Variants in TRIO observed in about 807,000 individuals in gnomAD.
TRIO encodes the protein triple functional domain protein.
A neutral mutation model predicts 351.9 loss-of-function variants in TRIO; 58 were observed. The ratio of observed to expected loss-of-function variants is 0.16; its 90% CI spans 0.13 to 0.21. The LOEUF (loss-of-function observed/expected upper bound fraction) is 0.21, where lower values mean the gene tolerates loss of function less well. Ranked by LOEUF, TRIO falls within the 10% of genes least tolerant of loss-of-function variation. TRIO has a pLI of 1.00. For synonymous variants in TRIO, 1,758 were observed against 1,595.7 expected (o/e 1.10, Z -2.42); for missense variants, 3,201 against 4,027.8 (o/e 0.79, Z 5.56).
In TRIO at chr5:14,508,559, T is replaced by A; in HGVS notation, c.*137T>A. 1 of 1,110,252 alleles carries A rather than the reference T, an allele frequency of 9.0e-7. No homozygotes were observed. The highest frequency in any genetic ancestry group is 1.3e-6 in the Non-Finnish European group (1 of 787,200). 68.8% of individuals were successfully genotyped at this position (1,110,252 alleles called of 1,614,324 possible). ...GTGAAATTGCATTCCAAGTGAGCTG[T>A]GCTCAGCAGTGCTTGGACACAGAGC... is the stretch of plus-strand genomic sequence containing the variant. On this transcript the variant is annotated 3_prime_UTR_variant, in exon 57 of 57. Coordinates refer to ENST00000344204, the MANE Select transcript of TRIO (RefSeq NM_007118.4).
intron 1 of TRIO, among the ~76,000 whole-genome samples, chr5:14,217,580 A>T (rs1792303563): frequency 6.6e-6 from 1 of 152,222 alleles, no homozygotes; most frequent in South Asian, 2.1e-4. Context: ...TATTAAAATT[A>T]GATTTCTGAT....
At chr5:14,211,809 A>G (rs1791919196) in intron 1 of TRIO, among the ~76,000 whole-genome samples, 1 of 152,052 alleles carries the variant, frequency 6.6e-6, no homozygotes, top group Admixed American at 6.5e-5. Flanking sequence ...GAAATATAGT[A>G]GATTAAAGTA....
intron 1 of TRIO, among the ~76,000 whole-genome samples, chr5:14,162,080 T>A (rs553049399): frequency 6.6e-6 from 1 of 152,042 alleles, no homozygotes; most frequent in Non-Finnish European, 1.5e-5. Flanking sequence ...CAAGGCACAG[T>A]ATTAGTTGTG....
At chr5:14,337,856 C>G (rs970530997) in intron 11 of TRIO, among the ~76,000 whole-genome samples, 2 of 152,098 alleles carry the variant, frequency 1.3e-5, no homozygotes, top group African/African-American at 4.8e-5. Flanking sequence ...GGGGTTTGCA[C>G]TCAGTCCTGC....
chr5:14,400,367 A>G (rs1464129996), intron 30 of TRIO, among the ~76,000 whole-genome samples: 1 of 152,090 alleles, frequency 6.6e-6, no homozygotes, highest in South Asian at 2.1e-4. Context: ...GGGGTGGAGA[A>G]TGCATCAGGG....
At position 14,487,455 on chromosome 5, in the gene TRIO, G is replaced by T; in HGVS notation, c.6836-9G>T. On this transcript the variant is annotated splice_polypyrimidine_tract_variant and intron_variant, in intron 47 of 56. Transcript: ENST00000344204. ...CTGACCCAGTCTCTCCCGCTGTCTT[G>T]TCTTACAGCCTTGACATCGCCAATC... 9.1e-7 allele frequency: 1 copy of T among 1,094,826 alleles called. No individual in the cohort carries two copies. The highest frequency in any genetic ancestry group is 1.1e-6 in the Non-Finnish European group (1 of 882,710). The allele number at this position is 1,094,826 out of a possible 1,614,324, so 67.8% of individuals were successfully genotyped here.
chr5:14,495,658 GAAAA>G (rs56018324), intron 49 of TRIO, among the ~76,000 whole-genome samples: 5 of 32,584 alleles, frequency 1.5e-4, no homozygotes, highest in East Asian at 1.4e-3. Context: ...GTCTCTACTA[GAAAA>G]AAAAAAAAAA....
At chr5:14,232,704 A>G (rs998777657) in intron 1 of TRIO, among the ~76,000 whole-genome samples, 2 of 152,242 alleles carry the variant, frequency 1.3e-5, no homozygotes, top group Non-Finnish European at 2.9e-5. Flanking sequence ...GCTATGGATG[A>G]CAAACTTAAA....
intron 1 of TRIO, among the ~76,000 whole-genome samples, chr5:14,184,756 G>T (rs989294369): frequency 6.6e-6 from 1 of 152,168 alleles, no homozygotes; most frequent in Non-Finnish European, 1.5e-5. Flanking sequence ...AAAAAATGAA[G>T]TTAGGTTAGT....
chr5:14,313,086 A>G (rs965054205), intron 8 of TRIO, among the ~76,000 whole-genome samples: 12 of 152,218 alleles, frequency 7.9e-5, no homozygotes, highest in South Asian at 2.1e-4. Context: ...GTTTTTGAAC[A>G]TGGATTTGGA....
chr5:14,160,715 C>T (rs191379661), intron 1 of TRIO, among the ~76,000 whole-genome samples: 6 of 152,326 alleles, frequency 3.9e-5, no homozygotes, highest in Admixed American at 3.9e-4. Context: ...CATGTGTTAG[C>T]TCCCATTTAT....
chr5:14,209,449 T>C (rs1791748652), intron 1 of TRIO, among the ~76,000 whole-genome samples: 1 of 152,240 alleles, frequency 6.6e-6, no homozygotes, highest in Non-Finnish European at 1.5e-5. Flanking sequence ...CTCAATTACT[T>C]TGAGGCAAGT....
At position 14,374,217 on chromosome 5, in the gene TRIO, A is replaced by G. The variant is rs748270139; in HGVS notation, c.3217-12A>G. 6.2e-7 allele frequency: 1 copy of G among 1,611,034 alleles called. No homozygotes were observed. Among genetic ancestry groups the G allele is most frequent in the Non-Finnish European group, 8.5e-7 (1 of 1,177,914 alleles). ...TCAAATTAGCAACACATTGCTCTCC[A>G]TTGTTTTTTAGGCTTGCACCCTTGC... is the stretch of plus-strand genomic sequence containing the variant. On this transcript the variant is annotated splice_polypyrimidine_tract_variant and intron_variant, in intron 18 of 56. Transcript: ENST00000344204.
intron 1 of TRIO, among the ~76,000 whole-genome samples, chr5:14,195,927 A>T (rs2152161133): frequency 6.6e-6 from 1 of 152,036 alleles, no homozygotes; most frequent in Admixed American, 6.5e-5. Flanking sequence ...GGATTGTTTT[A>T]CTAGATTTTA....
At chr5:14,454,399 T>C (rs1448120482) in intron 34 of TRIO, among the ~76,000 whole-genome samples, 1 of 152,244 alleles carries the variant, frequency 6.6e-6, no homozygotes, top group Non-Finnish European at 1.5e-5. Flanking sequence ...TTGCCTTATT[T>C]GCTTTGAATT....
At position 14,388,624 on chromosome 5, in the gene TRIO, C is replaced by T; in HGVS notation, c.3893C>T (p.Ala1298Val). Residue 1298 changes from alanine to valine, a missense_variant, in exon 24 of 57, where the codon GCT becomes GTT. Coordinates refer to ENST00000344204, the MANE Select transcript of TRIO (RefSeq NM_007118.4). ...TTCCTCTCTTTAAGGTTCATAATGGCTGAGCTCATTCAAACTGAAAAGGCT... is the reference window on the plus strand; with the variant it reads ...TTCCTCTCTTTAAGGTTCATAATGGTTGAGCTCATTCAAACTGAAAAGGCT... ...KSARRKEFIM[A>V]ELIQTEKAYV... 1 of 1,613,268 alleles carries T rather than the reference C, an allele frequency of 6.2e-7. No homozygotes were observed. The highest frequency in any genetic ancestry group is 8.5e-7 in the Non-Finnish European group (1 of 1,179,892).
chr5:14,417,713 C>T (rs893626147), intron 33 of TRIO, among the ~76,000 whole-genome samples: 3 of 152,224 alleles, frequency 2.0e-5, no homozygotes, highest in East Asian at 1.9e-4. Flanking sequence ...GAGAGCTGAG[C>T]GTCTGCAGGC....
At chr5:14,310,309 A>G (rs1419593754) in intron 8 of TRIO, among the ~76,000 whole-genome samples, 1 of 152,258 alleles carries the variant, frequency 6.6e-6, no homozygotes, top group Non-Finnish European at 1.5e-5. Flanking sequence ...GTGAGACTGC[A>G]TAGTAAGCAG....
intron 34 of TRIO, among the ~76,000 whole-genome samples, chr5:14,421,932 C>T (rs565104263): frequency 1.3e-5 from 2 of 152,340 alleles, no homozygotes; most frequent in East Asian, 3.9e-4. Flanking sequence ...CCAGGCTTGC[C>T]TCTGCTCAGC....
Sources: gnomAD v4.1 joint callset for allele counts (sites outside exome capture counted in the v4.1 genomes callset) on GRCh38, gnomAD v4.1.1 for gene constraint, MANE v1.5 for transcripts, NCBI Gene and HGNC (gene_info 2026-07-23, HGNC 2026-07-21) for gene names.